Variants in CHCHD3 observed in about 807,000 individuals in gnomAD.
The protein encoded by CHCHD3 is coiled-coil-helix-coiled-coil-helix domain containing 3.
Under a neutral mutation model 38.2 loss-of-function variants are expected in CHCHD3, and 20 were observed. That is an observed-to-expected ratio of 0.52 (90% CI 0.37 to 0.76). The LOEUF is 0.76. CHCHD3 is among the 30% of genes least tolerant of loss of function. The probability of loss-of-function intolerance (pLI) is 0.00; values close to 1 mark genes in which losing one functional copy is unlikely to be tolerated. For synonymous variants in CHCHD3, 82 were observed against 100.0 expected (o/e 0.82, Z 1.07); for missense variants, 245 against 279.2 (o/e 0.88, Z 0.87).
At chr7:133,040,030 G>C (rs1204624337) in intron 2 of CHCHD3, among the ~76,000 whole-genome samples, 3 of 152,034 alleles carry the variant, frequency 2.0e-5, no homozygotes, top group Non-Finnish European at 4.4e-5. Flanking sequence ...TGTAACTTAG[G>C]GTCTCCATTA....
chr7:133,081,713 G>A lies in CHCHD3; in HGVS notation c.81+144C>T, dbSNP rs1815175074. On this transcript the variant is annotated intron_variant, in intron 1 of 7. Coordinates refer to ENST00000262570, the MANE Select transcript of CHCHD3 (RefSeq NM_017812.4). ...GAATGTCCCACGTCTTGAAACTCTA[G>A]GCTTCTTCCCAGACACCTGGGCTTC... 5.3e-6 allele frequency: 4 copies of A among 759,728 alleles called. No homozygotes were observed. The Admixed American group carries it at 7.6e-5, about 14-fold the overall frequency. 47.1% of individuals were successfully genotyped at this position (759,728 alleles called of 1,614,324 possible).
chr7:132,790,262 A>C (rs1315310102), intron 7 of CHCHD3, among the ~76,000 whole-genome samples: 1 of 152,242 alleles, frequency 6.6e-6, no homozygotes, highest in Non-Finnish European at 1.5e-5. Context: ...CTGTTTATAC[A>C]GCTGGCTGCA....
chr7:133,030,205 C>T (rs1813462820), intron 2 of CHCHD3, among the ~76,000 whole-genome samples: 1 of 152,148 alleles, frequency 6.6e-6, no homozygotes. Context: ...GTTCTGAGCA[C>T]ATCTAAGCTT....
intron 2 of CHCHD3, among the ~76,000 whole-genome samples, chr7:133,050,332 CTG>C (rs1814119375): frequency 9.9e-6 from 1 of 100,618 alleles, no homozygotes; most frequent in Non-Finnish European, 1.8e-5. Context: ...ACAGAGGAGG[CTG>C]TGTCTTAAAA....
intron 4 of CHCHD3, among the ~76,000 whole-genome samples, chr7:132,925,985 A>G (rs1374184611): frequency 6.6e-6 from 1 of 152,140 alleles, no homozygotes; most frequent in Non-Finnish European, 1.5e-5. Flanking sequence ...CACTTAGAAA[A>G]ATGGCCAGAG....
chr7:132,999,316 T>A (rs1285929498), intron 3 of CHCHD3, among the ~76,000 whole-genome samples: 1 of 152,206 alleles, frequency 6.6e-6, no homozygotes, highest in African/African-American at 2.4e-5. Context: ...TGAAGATGGT[T>A]AATAGTACAC....
At chr7:132,973,938 G>A (rs1050041140) in intron 4 of CHCHD3, 1 of 1,279,354 alleles carries the variant, frequency 7.8e-7, no homozygotes, top group South Asian at 1.3e-5. Context: ...AAGGTTCCGA[G>A]GAGTAACATC....
chr7:132,918,028 G>A (rs1008498996), intron 4 of CHCHD3, among the ~76,000 whole-genome samples: 2 of 152,028 alleles, frequency 1.3e-5, no homozygotes, highest in Non-Finnish European at 2.9e-5. Flanking sequence ...GGGACAACAC[G>A]GTGAAGATTT....
At chr7:132,817,886 T>A (rs1807241119) in intron 6 of CHCHD3, among the ~76,000 whole-genome samples, 1 of 133,040 alleles carries the variant, frequency 7.5e-6, no homozygotes, top group Admixed American at 7.5e-5. Flanking sequence ...AGTGAGACCC[T>A]GTCTCAAAAA....
chr7:132,817,032 A>ATCCC (rs1178332944), intron 6 of CHCHD3, among the ~76,000 whole-genome samples: 1 of 152,216 alleles, frequency 6.6e-6, no homozygotes, highest in Non-Finnish European at 1.5e-5. Context: ...CACAAAGGGC[A>ATCCC]TCCCTGTCTT....
intron 4 of CHCHD3, among the ~76,000 whole-genome samples, chr7:132,912,847 G>A (rs559803875): frequency 2.0e-5 from 3 of 152,168 alleles, no homozygotes; most frequent in Non-Finnish European, 2.9e-5. Flanking sequence ...GAGCCACTGC[G>A]CCCGGCCAAA....
intron 5 of CHCHD3, among the ~76,000 whole-genome samples, chr7:132,843,985 T>TG (rs1422272556): frequency 1.3e-5 from 2 of 152,184 alleles, no homozygotes; most frequent in African/African-American, 4.8e-5. Context: ...TCCATTAAGA[T>TG]GACCTTAAAA....
intron 4 of CHCHD3, among the ~76,000 whole-genome samples, chr7:132,965,320 A>G (rs754809294): frequency 5.3e-5 from 8 of 152,186 alleles, no homozygotes; most frequent in Non-Finnish European, 1.2e-4. Context: ...CCCTGGCTCT[A>G]TCTCTGTGCA....
intron 4 of CHCHD3, among the ~76,000 whole-genome samples, chr7:132,893,977 T>A (rs889352632): frequency 6.6e-6 from 1 of 152,244 alleles, no homozygotes; most frequent in Non-Finnish European, 1.5e-5. Context: ...TATCTGCTAT[T>A]CTCTTAAATA....
intron 3 of CHCHD3, among the ~76,000 whole-genome samples, chr7:133,011,986 G>A (rs559937112): frequency 3.9e-5 from 6 of 152,202 alleles, no homozygotes; most frequent in African/African-American, 9.6e-5. Flanking sequence ...GTGCAATGGC[G>A]CAATCTCGGC....
intron 5 of CHCHD3, among the ~76,000 whole-genome samples, chr7:132,860,322 G>GAGAGAT (rs1554377233): frequency 1.5e-4 from 22 of 149,876 alleles, no homozygotes; most frequent in African/African-American, 4.9e-4. Flanking sequence ...GAGAAAGAGA[G>GAGAGAT]AGAGAGAGAG....
chr7:132,972,362 G>C (rs901028851), intron 4 of CHCHD3, among the ~76,000 whole-genome samples: 1 of 152,092 alleles, frequency 6.6e-6, no homozygotes, highest in Non-Finnish European at 1.5e-5. Context: ...TCTATGTTTG[G>C]AGAAATACCG....
intron 4 of CHCHD3, among the ~76,000 whole-genome samples, chr7:132,902,458 C>CA (rs1346611343): frequency 6.6e-6 from 1 of 152,146 alleles, no homozygotes; most frequent in Non-Finnish European, 1.5e-5. Flanking sequence ...GAAAATGTGG[C>CA]ATATATACAC....
At chr7:133,025,629 C>T (rs1813315304) in intron 2 of CHCHD3, among the ~76,000 whole-genome samples, 2 of 152,162 alleles carry the variant, frequency 1.3e-5, no homozygotes, top group Non-Finnish European at 1.5e-5. Flanking sequence ...CTCAGCCTCT[C>T]GAGTAGCTGG....
Sources: gnomAD v4.1 joint callset for allele counts (sites outside exome capture counted in the v4.1 genomes callset) on GRCh38, gnomAD v4.1.1 for gene constraint, MANE v1.5 for transcripts, NCBI Gene and HGNC (gene_info 2026-07-23, HGNC 2026-07-21) for gene names.